FAU: variants seen among roughly 807,000 people sequenced by gnomAD.
The protein encoded by FAU is FAU ubiquitin like and ribosomal protein S30 fusion.
For synonymous variants in FAU, 70 were observed against 69.9 expected (o/e 1.00, Z -0.01); for missense variants, 125 against 173.9 (o/e 0.72, Z 1.58).
rs571470272 is a variant in FAU, at chr11:65,121,563, T to C, written c.157A>G (p.Thr53Ala). 1 of 1,613,820 alleles carries C rather than the reference T, an allele frequency of 6.2e-7. No individual in the cohort carries two copies. The highest frequency in any genetic ancestry group is 1.3e-5 in the African/African-American group (1 of 74,978). ...LAGAPLEDEA[T>A]LGQCGVEALT... is the part of the protein sequence containing the mutation. The stretch of plus-strand genomic sequence containing the variant: ...GCCTCCACCCCGCACTGGCCCAGAG[T>C]GGCCTCATCCTCCAGGGGCGCGCCT... The change falls in exon 3 of 5, where the codon ACT (threonine) becomes GCT (alanine). Residue 53 changes from threonine (T) to alanine (A), a missense_variant. Thr to Ala is a moderately conservative substitution (Grantham distance 58, BLOSUM62 0). Transcript: ENST00000529639.
chr11:65,121,564 G>A lies in FAU; in HGVS notation c.156C>T (p.Ala52=), dbSNP rs1281467380. The A allele has an allele frequency of 1.9e-6, 3 of 1,614,002 alleles. No homozygotes were observed. Among genetic ancestry groups the A allele is most frequent in the Non-Finnish European group, 8.5e-7 (1 of 1,180,024 alleles). The change falls in exon 3 of 5, where the codon GCC becomes GCT. Residue 52 remains alanine (A), a synonymous_variant. Transcript: ENST00000529639. ...LLAGAPLEDE[A]TLGQCGVEAL... ...CCTCCACCCCGCACTGGCCCAGAGT[G>A]GCCTCATCCTCCAGGGGCGCGCCTG...
chr11:65,121,492 T>C lies in FAU; in HGVS notation c.220+8A>G, dbSNP rs746457817. 1 of 1,611,876 alleles carries C rather than the reference T, an allele frequency of 6.2e-7. No individual in the cohort carries two copies. ...CGGTACTTCAAAGAACATTCCTCTC[T>C]CACTCACCTCCAAGCATGCGGCCTG... On this transcript the variant is annotated splice_region_variant and intron_variant, in intron 3 of 4. Coordinates refer to ENST00000529639, the MANE Select transcript of FAU (RefSeq NM_001997.5).
chr11:65,121,361 A>C (rs1948045138), intron 3 of FAU, 139 bp downstream of exon 3: 2 of 1,194,758 alleles, frequency 1.7e-6, no homozygotes, highest in South Asian at 1.5e-5. Context: ...GAGGGATGTA[A>C]ACAGGAAGAA....
chr11:65,121,755 G>A lies in FAU; in HGVS notation c.59C>T (p.Thr20Met), dbSNP rs397843882. The change falls in exon 2 of 5, where the codon ACG (threonine) becomes ATG (methionine). Residue 20 changes from threonine (T) to methionine (M), a missense_variant. By Grantham distance (81) the Thr-to-Met change is moderately conservative (BLOSUM62 -1). Transcript: ENST00000529639. ...LHTFEVTGQETVAQIKAHVAS... is the reference protein window; with the variant it reads ...LHTFEVTGQEMVAQIKAHVAS... ...CAGCCTTACCTTGATCTGGGCGACC[G>A]TTTCCTGGCCGGTCACCTCGAAGGT... 2 of 1,614,102 alleles carry A rather than the reference G, an allele frequency of 1.2e-6. No homozygotes were observed. Among genetic ancestry groups the A allele is most frequent in the Middle Eastern group, 1.6e-4 (1 of 6,062 alleles).
At position 65,120,661 on chromosome 11, in the gene FAU, A is replaced by G; in HGVS notation, c.*20T>C. 2.5e-6 allele frequency: 4 copies of G among 1,612,348 alleles called. No individual in the cohort carries two copies. Among genetic ancestry groups the G allele is most frequent in the Non-Finnish European group, 3.4e-6 (4 of 1,179,480 alleles). Reference sequence around the variant, plus strand: ...AACTAAGTGGCTTTTTTATTAGAGAAAGCCAGAATTACAAAAGACTTAAGA... The same window carrying G: ...AACTAAGTGGCTTTTTTATTAGAGAGAGCCAGAATTACAAAAGACTTAAGA... On this transcript the variant is annotated 3_prime_UTR_variant, in exon 5 of 5. Transcript: ENST00000529639.
chr11:65,120,894 G>A, intron 4 of FAU, 87 bp downstream of exon 4: 1 of 1,609,462 alleles, frequency 6.2e-7, no homozygotes, highest in Admixed American at 1.7e-5. Context: ...GGAGGGAGAA[G>A]GCAAACCGAG....
chr11:65,121,446 C>T lies in FAU; in HGVS notation c.220+54G>A, dbSNP rs1289838408. ...CACTCAGCTGTCAGGACTATGCACC[C>T]CACACTCACTAGACGCTTACCGGTA... On this transcript the variant is annotated intron_variant, in intron 3 of 4. Coordinates refer to ENST00000529639, the MANE Select transcript of FAU (RefSeq NM_001997.5). 3 of 1,588,730 alleles carry T rather than the reference C, an allele frequency of 1.9e-6. No individual in the cohort carries two copies. In the Middle Eastern group the frequency reaches 5.6e-4, roughly 297 times the overall value.
chr11:65,121,432 C>T (rs1948046034), intron 3 of FAU, 68 bp downstream of exon 3: 1 of 1,558,058 alleles, frequency 6.4e-7, no homozygotes, highest in Non-Finnish European at 8.7e-7. Flanking sequence ...ACTCAGCTGT[C>T]AGGACTATGC....
At position 65,121,496 on chromosome 11, in the gene FAU, T is replaced by G. The variant is rs770509612; in HGVS notation, c.220+4A>C. The G allele has an allele frequency of 6.2e-7, 1 of 1,612,140 alleles. No individual in the cohort carries two copies. On this transcript the variant is annotated splice_donor_region_variant and intron_variant, in intron 3 of 4. Coordinates refer to ENST00000529639, the MANE Select transcript of FAU (RefSeq NM_001997.5). The stretch of plus-strand genomic sequence containing the variant: ...ACTTCAAAGAACATTCCTCTCTCAC[T>G]CACCTCCAAGCATGCGGCCTGCTAC...
At chr11:65,121,862 T>C (rs1948052196) in intron 1 of FAU, 41 bp from the exon 2 acceptor site, 6 of 1,595,776 alleles carry the variant, frequency 3.8e-6, no homozygotes, top group Non-Finnish European at 5.2e-6. Context: ...AGCCAAGAAA[T>C]GCTCTGGGAT....
rs3180030 is a variant in FAU, at chr11:65,120,631, G to A, written c.*50C>T. ...GCAAGTAAAGATGAAACAATGCGAT[G>A]ACTGAACTAAGTGGCTTTTTTATTA... is the stretch of plus-strand genomic sequence containing the variant. On this transcript the variant is annotated 3_prime_UTR_variant, in exon 5 of 5. Coordinates refer to ENST00000529639, the MANE Select transcript of FAU (RefSeq NM_001997.5). The A allele has an allele frequency of 2.5e-6, 4 of 1,609,182 alleles. No homozygotes were observed. Among genetic ancestry groups the A allele is most frequent in the Admixed American group, 1.7e-5 (1 of 59,714 alleles).
chr11:65,121,654 A>C lies in FAU; in HGVS notation c.76-10T>G, dbSNP rs763930500. 6 of 1,613,866 alleles carry C rather than the reference A, an allele frequency of 3.7e-6. No homozygotes were observed. The highest frequency in any genetic ancestry group is 5.1e-6 in the Non-Finnish European group (6 of 1,179,930). ...GTGAGGCTACATGAGCCTACAGGGAAAGATAAGGCTCGTAAGCGTTCCCTC... is the reference window on the plus strand; with the variant it reads ...GTGAGGCTACATGAGCCTACAGGGACAGATAAGGCTCGTAAGCGTTCCCTC... On this transcript the variant is annotated splice_polypyrimidine_tract_variant and intron_variant, in intron 2 of 4. Transcript: ENST00000529639.
chr11:65,121,539 C>T lies in FAU; in HGVS notation c.181G>A (p.Ala61Thr). The change falls in exon 3 of 5, where the codon GCC (alanine) becomes ACC (threonine). Residue 61 changes from alanine to threonine, a missense_variant. Coordinates refer to ENST00000529639, the MANE Select transcript of FAU (RefSeq NM_001997.5). Reference protein sequence around the residue: ...EATLGQCGVEALTTLEVAGRM... With the variant: ...EATLGQCGVETLTTLEVAGRM... Reference sequence around the variant, plus strand: ...CCTGCTACTTCCAGGGTAGTCAGGGCCTCCACCCCGCACTGGCCCAGAGTG... The same window carrying T: ...CCTGCTACTTCCAGGGTAGTCAGGGTCTCCACCCCGCACTGGCCCAGAGTG... 6.2e-7 allele frequency: 1 copy of T among 1,613,938 alleles called. No individual in the cohort carries two copies.
Position 65,121,824 on chromosome 11 carries a change from G to A in FAU, c.-8-3C>T. 1 of 1,613,932 alleles carries A rather than the reference G, an allele frequency of 6.2e-7. No individual in the cohort carries two copies. The highest frequency in any genetic ancestry group is 8.5e-7 in the Non-Finnish European group (1 of 1,179,936). On this transcript the variant is annotated splice_region_variant and splice_polypyrimidine_tract_variant and intron_variant, in intron 1 of 4. Transcript: ENST00000529639. ...GACAAAGAGCTGCATATTGGCGACT[G>A]AGTAAAGAAAAGACGGCTTGTAAGA...
Position 65,122,125 on chromosome 11 carries a change from C to T in FAU, c.-44G>A. The T allele has an allele frequency of 5.0e-6, 3 of 602,576 alleles. No homozygotes were observed. The highest frequency in any genetic ancestry group is 3.9e-5 in the South Asian group (2 of 50,696). 37.3% of individuals were successfully genotyped at this position (602,576 alleles called of 1,614,324 possible). ...GTCCCAGCTACCGCGAAGATGGAGT[C>T]GAGAAAGAGGAAGAAGCGAGGGCGC... On this transcript the variant is annotated 5_prime_UTR_variant, in exon 1 of 5. Coordinates refer to ENST00000529639, the MANE Select transcript of FAU (RefSeq NM_001997.5).
chr11:65,121,355 G>T, intron 3 of FAU, 145 bp downstream of exon 3: 1 of 1,110,522 alleles, frequency 9.0e-7, no homozygotes, highest in Non-Finnish European at 1.3e-6. Context: ...CAACATGAGG[G>T]ATGTAAACAG....
Position 65,120,729 on chromosome 11 carries a change from G to A in FAU, c.354C>T (p.Asn118=), listed in dbSNP as rs1258654705. ...TCTTCTTGCCAAAGGTGGGCACAACGTTGACAAAGCGCCGGTTGTACTGCA... is the reference window on the plus strand; with the variant it reads ...TCTTCTTGCCAAAGGTGGGCACAACATTGACAAAGCGCCGGTTGTACTGCA... ...RRMQYNRRFV[N]VVPTFGKKKG... is the part of the protein sequence containing the mutation. The change falls in exon 5 of 5, where the codon AAC becomes AAT. Residue 118 remains asparagine, a synonymous_variant. Coordinates refer to ENST00000529639, the MANE Select transcript of FAU (RefSeq NM_001997.5). 2.5e-6 allele frequency: 4 copies of A among 1,614,178 alleles called. No homozygotes were observed. In the Admixed American group the frequency reaches 5.0e-5, roughly 20 times the overall value.
At chr11:65,121,698 G>A in intron 2 of FAU, 41 bp downstream of exon 2, 1 of 1,613,902 alleles carries the variant, frequency 6.2e-7, no homozygotes, top group Non-Finnish European at 8.5e-7. Flanking sequence ...AGAGTGAAGA[G>A]CACAAGAAAA....
intron 1 of FAU, 43 bp downstream of exon 1, chr11:65,122,047 C>A (rs573814624): frequency 3.3e-6 from 2 of 606,012 alleles, no homozygotes; most frequent in Admixed American, 2.9e-5. Flanking sequence ...CCGCAGCCAA[C>A]CTGCTACAAG....
Sources: gnomAD v4.1 joint callset for allele counts on GRCh38, gnomAD v4.1.1 for gene constraint, MANE v1.5 for transcripts, NCBI Gene and HGNC (gene_info 2026-07-23, HGNC 2026-07-21) for gene names.